RAB11FIP3: variants seen among roughly 807,000 people sequenced by gnomAD.
RAB11FIP3 encodes rab11 family-interacting protein 3.
RAB11FIP3 carries 17 observed loss-of-function variants against 77.8 expected under a neutral mutation model. The ratio of observed to expected loss-of-function variants is 0.22; its 90% CI spans 0.15 to 0.33. The LOEUF is 0.33. Ranked by LOEUF, RAB11FIP3 falls within the 10% of genes least tolerant of loss-of-function variation. RAB11FIP3 has a pLI of 1.00. For synonymous variants in RAB11FIP3, 437 were observed against 448.2 expected (o/e 0.98, Z 0.31); for missense variants, 1,005 against 1,011.2 (o/e 0.99, Z 0.08).
chr16:476,000 C>T (rs1312944418), intron 3 of RAB11FIP3, among the ~76,000 whole-genome samples: 12 of 152,248 alleles, frequency 7.9e-5, no homozygotes, highest in East Asian at 1.9e-4. Context: ...GGATTACAGG[C>T]GCCCGCCACC....
intron 2 of RAB11FIP3, among the ~76,000 whole-genome samples, chr16:464,955 G>A (rs889703349): frequency 1.3e-5 from 2 of 152,132 alleles, no homozygotes; most frequent in Non-Finnish European, 2.9e-5. Flanking sequence ...TAGAGAATGC[G>A]ATCTTTATGA....
intron 1 of RAB11FIP3, among the ~76,000 whole-genome samples, chr16:436,436 G>C (rs1238360194): frequency 2.0e-5 from 3 of 152,034 alleles, no homozygotes; most frequent in Non-Finnish European, 2.9e-5. Context: ...CAGCCTCCAG[G>C]GGCATGCCCC....
intron 9 of RAB11FIP3, among the ~76,000 whole-genome samples, chr16:516,989 G>A (rs1327886999): frequency 2.6e-5 from 4 of 152,238 alleles, no homozygotes; most frequent in Non-Finnish European, 4.4e-5. Flanking sequence ...CAGAGCGGGC[G>A]GGAAAGCAGG....
chr16:461,296 C>A lies in RAB11FIP3; in HGVS notation c.715-108C>A. On this transcript the variant is annotated intron_variant, in intron 1 of 13. Coordinates refer to ENST00000262305, the MANE Select transcript of RAB11FIP3 (RefSeq NM_014700.4). This position sits in a 1 kb window ranked among gnomAD's most constrained non-coding sequence, Gnocchi z 4.5. Reference sequence around the variant, plus strand: ...TGCTCCCTCACCTCCTGCTGTGCTTCCCCGTTCCCAGCAGGCCACACACCA... The same window carrying A: ...TGCTCCCTCACCTCCTGCTGTGCTTACCCGTTCCCAGCAGGCCACACACCA... 1.3e-6 allele frequency: 1 copy of A among 757,876 alleles called. No homozygotes were observed. 46.9% of individuals were successfully genotyped at this position (757,876 alleles called of 1,614,324 possible). A position where few individuals can be genotyped will look rare whatever the true frequency, so the allele number is the denominator to read the frequency against.
At chr16:466,340 A>G (rs910610894) in intron 2 of RAB11FIP3, among the ~76,000 whole-genome samples, 1 of 152,130 alleles carries the variant, frequency 6.6e-6, no homozygotes, top group Non-Finnish European at 1.5e-5. Context: ...GTACCATGAC[A>G]TGGGCAGGAG....
intron 2 of RAB11FIP3, among the ~76,000 whole-genome samples, chr16:467,652 TGGGGCCTCAGGGAGGAGGTGCA>T (rs2055729445): frequency 6.6e-5 from 3 of 45,292 alleles, no homozygotes; most frequent in African/African-American, 2.2e-4. Flanking sequence ...GAGGAGGTGC[TGGGGCCTCAGGGAGGAGGTGCA>T]GGGGCGTCAG....
intron 1 of RAB11FIP3, among the ~76,000 whole-genome samples, chr16:447,600 T>A (rs911149665): frequency 6.6e-6 from 1 of 152,122 alleles, no homozygotes; most frequent in Non-Finnish European, 1.5e-5. Context: ...TAGCCGGGCG[T>A]GGTGGCAGGC....
chr16:494,028 C>A (rs537622910), intron 5 of RAB11FIP3, among the ~76,000 whole-genome samples: 2 of 118,638 alleles, frequency 1.7e-5, no homozygotes, highest in Middle Eastern at 4.4e-3. Flanking sequence ...CTCAGCCTCC[C>A]GAGTAGCTGG....
chr16:477,995 C>A (rs1027363805), intron 3 of RAB11FIP3, among the ~76,000 whole-genome samples: 1 of 152,102 alleles, frequency 6.6e-6, no homozygotes, highest in African/African-American at 2.4e-5. Context: ...CGGCAGGGCT[C>A]CAGGTGGTTG....
Position 474,854 on chromosome 16 carries a change from G to C in RAB11FIP3, c.903+3465G>C, listed in dbSNP as rs894688407. 5 of 1,448,972 alleles carry C rather than the reference G, an allele frequency of 3.5e-6. No individual in the cohort carries two copies. The African/African-American group carries it at 7.1e-5, about 21-fold the overall frequency. The allele number at this position is 1,448,972 out of a possible 1,614,324, so 89.8% of individuals were successfully genotyped here. ...GGCAACACCAGCAGGAGGTTTATTA[G>C]AGCGTGTCTGGGAGCAGGTTAAACT... On this transcript the variant is annotated intron_variant, in intron 3 of 13. Coordinates refer to ENST00000262305, the MANE Select transcript of RAB11FIP3 (RefSeq NM_014700.4).
chr16:470,786 A>G (rs190532993), intron 2 of RAB11FIP3, among the ~76,000 whole-genome samples: 4 of 152,360 alleles, frequency 2.6e-5, no homozygotes, highest in African/African-American at 9.6e-5. Context: ...AACATTGATT[A>G]TAGAAGATAA....
chr16:510,603 T>G (rs1596297079), intron 8 of RAB11FIP3, 57 bp from the exon 9 acceptor site: 1 of 1,520,584 alleles, frequency 6.6e-7, no homozygotes. Context: ...TGGGCATGGG[T>G]GGAGCCACTG....
intron 5 of RAB11FIP3, among the ~76,000 whole-genome samples, chr16:490,544 C>G (rs2030084214): frequency 6.6e-6 from 1 of 152,150 alleles, no homozygotes; most frequent in Non-Finnish European, 1.5e-5. Context: ...ACCATGTTGC[C>G]CAGGCTGGTC....
At chr16:445,994 C>G (rs1220183956) in intron 1 of RAB11FIP3, among the ~76,000 whole-genome samples, 2 of 152,120 alleles carry the variant, frequency 1.3e-5, no homozygotes, top group Admixed American at 6.6e-5. Flanking sequence ...GTGTTCTAGA[C>G]ACAGAGACGA....
rs570674390 is a variant in RAB11FIP3, at chr16:520,200, A to G, written c.1939A>G (p.Ser647Gly). 37 of 1,545,758 alleles carry G rather than the reference A, an allele frequency of 2.4e-5. No homozygotes were observed. The East Asian group carries it at 7.1e-4, about 29-fold the overall frequency. The change falls in exon 12 of 14, where the codon AGC (serine) becomes GGC (glycine). Residue 647 changes from serine to glycine, a missense_variant. By Grantham distance (56) the Ser-to-Gly change is moderately conservative (BLOSUM62 0). Transcript: ENST00000262305. ...GGCCGAGCAGCGGCGGGGCCGCAGC[A>G]GCAGCATGGGCCTGCAGGAGTACCA... ...LEAEQRRGRS[S>G]SMGLQEYHSR...
intron 1 of RAB11FIP3, among the ~76,000 whole-genome samples, chr16:458,710 G>A (rs2055552231): frequency 6.6e-6 from 1 of 152,180 alleles, no homozygotes; most frequent in Non-Finnish European, 1.5e-5. Flanking sequence ...GCCTCTCCCT[G>A]TCCCTGAGCA....
At chr16:446,897 C>T (rs2055326440) in intron 1 of RAB11FIP3, among the ~76,000 whole-genome samples, 1 of 152,034 alleles carries the variant, frequency 6.6e-6, no homozygotes, top group Non-Finnish European at 1.5e-5. Context: ...TTCGGGGTTT[C>T]ACCATGTTGG....
At position 465,894 on chromosome 16, in the gene RAB11FIP3, C is replaced by T. The variant is rs149208125; in HGVS notation, c.808+4397C>T. Among the ~76,000 whole-genome samples the T allele has an allele frequency of 6.2e-3, 949 of 152,302 alleles. 11 individuals are homozygous for T. Among genetic ancestry groups the T allele is most frequent in the African/African-American group, 0.021 (893 of 41,554 alleles). ...TGCTGGGATTACAGACGTGAGCCAC[C>T]GCGCCCGGCCAGCAGTGGTTCATTT... On this transcript the variant is annotated intron_variant, in intron 2 of 13. Transcript: ENST00000262305.
chr16:461,386 C>T lies in RAB11FIP3; in HGVS notation c.715-18C>T, dbSNP rs780471263. The T allele has an allele frequency of 6.2e-7, 1 of 1,608,634 alleles. No homozygotes were observed. Among genetic ancestry groups the T allele is most frequent in the Non-Finnish European group, 8.5e-7 (1 of 1,175,792 alleles). On this transcript the variant is annotated intron_variant, in intron 1 of 13. Coordinates refer to ENST00000262305, the MANE Select transcript of RAB11FIP3 (RefSeq NM_014700.4). The surrounding 1 kb of genome is among the most constrained non-coding windows in gnomAD (Gnocchi z 4.5). ...CTGTAAAGGCTTAGGGTAACCTAGT[C>T]TCATTTGGCAATTACAGGTGAAGGA...
Sources: gnomAD v4.1 joint callset for allele counts (sites outside exome capture counted in the v4.1 genomes callset) on GRCh38, gnomAD v4.1.1 for gene constraint, Gnocchi (gnomAD v3.1) non-coding constraint, MANE v1.5 for transcripts, NCBI Gene and HGNC (gene_info 2026-07-23, HGNC 2026-07-21) for gene names.